Variants in CERS6 observed in about 807,000 individuals in gnomAD.
CERS6 encodes LAG1 homolog, ceramide synthase 6.
In CERS6, 26 loss-of-function variants were observed where a neutral mutation model predicts 56.8. The observed-to-expected ratio is 0.46, with a 90% CI of 0.34 to 0.63. The LOEUF (loss-of-function observed/expected upper bound fraction) is 0.63. CERS6 is among the 30% of genes least tolerant of loss of function. CERS6 has a pLI of 0.01. For missense variants in CERS6, 415 were observed against 467.5 expected (o/e 0.89, Z 1.04); for synonymous variants, 164 against 173.3 (o/e 0.95, Z 0.42).
At chr2:168,698,236 GAAAAAAAAAA>G (rs1214508784) in intron 6 of CERS6, among the ~76,000 whole-genome samples, 1 of 124,992 alleles carries the variant, frequency 8.0e-6, no homozygotes, top group African/African-American at 3.6e-5. Context: ...TGTCTCACAG[GAAAAAAAAAA>G]AAAAAAAAGA....
At chr2:168,735,693 T>C (rs1236692712) in intron 8 of CERS6, among the ~76,000 whole-genome samples, 3 of 151,144 alleles carry the variant, frequency 2.0e-5, no homozygotes, top group Non-Finnish European at 4.4e-5. Context: ...CTGGGCAACA[T>C]AGTGAGGCCC....
intron 8 of CERS6, among the ~76,000 whole-genome samples, chr2:168,761,001 C>T (rs1368482650): frequency 3.3e-5 from 5 of 152,172 alleles, no homozygotes; most frequent in African/African-American, 4.8e-5. Context: ...TCGTGATCCG[C>T]CCGCCTCGGC....
chr2:168,545,865 A>G (rs1695457367), intron 1 of CERS6, among the ~76,000 whole-genome samples: 1 of 148,422 alleles, frequency 6.7e-6, no homozygotes, highest in Non-Finnish European at 1.5e-5. Context: ...TCGGAAGGGA[A>G]TGTGAACACA....
chr2:168,490,722 A>C (rs1046254027), intron 1 of CERS6, among the ~76,000 whole-genome samples: 1 of 138,100 alleles, frequency 7.2e-6, no homozygotes, highest in Non-Finnish European at 1.5e-5. Context: ...TTAAAAAGCG[A>C]GAGAGAGAGA....
At chr2:168,696,428 C>T (rs1202903841) in intron 6 of CERS6, among the ~76,000 whole-genome samples, 2 of 152,194 alleles carry the variant, frequency 1.3e-5, no homozygotes, top group African/African-American at 4.8e-5. Context: ...GTCTTTCTAT[C>T]TAAGTAGTCA....
At chr2:168,723,178 G>A (rs1184589739) in intron 8 of CERS6, among the ~76,000 whole-genome samples, 2 of 152,132 alleles carry the variant, frequency 1.3e-5, no homozygotes, top group Non-Finnish European at 2.9e-5. Context: ...AGAATATGAT[G>A]GGGGAAGAGA....
intron 4 of CERS6, among the ~76,000 whole-genome samples, chr2:168,636,267 G>A (rs1299315801): frequency 3.3e-5 from 5 of 152,088 alleles, no homozygotes; most frequent in Non-Finnish European, 5.9e-5. Context: ...AGCCTGTTTT[G>A]CTGTCTTTGG....
At chr2:168,564,120 A>AT (rs1341609575) in intron 3 of CERS6, among the ~76,000 whole-genome samples, 1 of 151,904 alleles carries the variant, frequency 6.6e-6, no homozygotes, top group Non-Finnish European at 1.5e-5. Context: ...CTTCAATCTC[A>AT]TTTTTCCCTT....
intron 1 of CERS6, among the ~76,000 whole-genome samples, chr2:168,476,476 AGATAGAT>A (rs1022436220): frequency 6.6e-6 from 1 of 152,266 alleles, no homozygotes; most frequent in South Asian, 2.1e-4. Context: ...ATGGATGGAT[AGATAGAT>A]GATAGATAGA....
intron 4 of CERS6, among the ~76,000 whole-genome samples, chr2:168,659,254 T>G (rs1685567720): frequency 6.6e-6 from 1 of 152,186 alleles, no homozygotes; most frequent in South Asian, 2.1e-4. Flanking sequence ...ATTTTAAAAG[T>G]CATTTTTAAG....
intron 3 of CERS6, among the ~76,000 whole-genome samples, chr2:168,609,990 T>TTG: frequency 6.8e-6 from 1 of 147,236 alleles, no homozygotes; most frequent in East Asian, 2.0e-4. Context: ...TTTTTTTTTT[T>TTG]TTTTTGAGAT....
chr2:168,638,826 T>C (rs1486344339), intron 4 of CERS6, among the ~76,000 whole-genome samples: 1 of 152,212 alleles, frequency 6.6e-6, no homozygotes, highest in Non-Finnish European at 1.5e-5. Context: ...CTGTGAGGTA[T>C]ACAGACTTTA....
chr2:168,643,030 A>G (rs372269634), intron 4 of CERS6, among the ~76,000 whole-genome samples: 1 of 152,226 alleles, frequency 6.6e-6, no homozygotes, highest in Non-Finnish European at 1.5e-5. Context: ...GGCACTAGCT[A>G]TTAGATCCGA....
intron 1 of CERS6, among the ~76,000 whole-genome samples, chr2:168,468,001 C>T (rs1283343761): frequency 6.6e-6 from 1 of 151,998 alleles, no homozygotes; most frequent in East Asian, 1.9e-4. Context: ...TTAGACAGGC[C>T]CTGAAACCCC....
At chr2:168,670,840 C>A (rs1374972306) in intron 4 of CERS6, among the ~76,000 whole-genome samples, 1 of 151,974 alleles carries the variant, frequency 6.6e-6, no homozygotes, top group Admixed American at 6.6e-5. Context: ...TGTTTACTGG[C>A]AGTTTCCTCC....
chr2:168,569,934 G>A (rs905277435), intron 3 of CERS6, among the ~76,000 whole-genome samples: 4 of 152,168 alleles, frequency 2.6e-5, no homozygotes, highest in African/African-American at 7.2e-5. Context: ...TGGTATGGGG[G>A]TAGTGAGTGT....
intron 9 of CERS6, among the ~76,000 whole-genome samples, chr2:168,768,590 T>C (rs1445032045): frequency 6.6e-6 from 1 of 151,850 alleles, no homozygotes; most frequent in Non-Finnish European, 1.5e-5. Flanking sequence ...ATTTCAAGCT[T>C]CACCCCGCCC....
chr2:168,554,994 C>T (rs1246910800), intron 2 of CERS6, among the ~76,000 whole-genome samples: 1 of 151,850 alleles, frequency 6.6e-6, no homozygotes, highest in Non-Finnish European at 1.5e-5. Flanking sequence ...TCTGATTTAC[C>T]TCTGAGGCGT....
intron 4 of CERS6, among the ~76,000 whole-genome samples, chr2:168,652,078 C>T (rs1685356674): frequency 6.7e-6 from 1 of 149,800 alleles, no homozygotes. Flanking sequence ...CATAATTAGA[C>T]CTTAAGACTT....
Sources: gnomAD v4.1 joint callset for allele counts (sites outside exome capture counted in the v4.1 genomes callset) on GRCh38, gnomAD v4.1.1 for gene constraint, MANE v1.5 for transcripts, NCBI Gene and HGNC (gene_info 2026-07-23, HGNC 2026-07-21) for gene names.